Variants in SLC8A1 observed in about 807,000 individuals in gnomAD.
SLC8A1 encodes the protein solute carrier family 8 member A1, also known as sodium/calcium exchanger 1.
A neutral mutation model predicts 68.3 loss-of-function variants in SLC8A1; 18 were observed. The observed-to-expected ratio is 0.26, with a 90% confidence interval of 0.18 to 0.39. The LOEUF is 0.39. SLC8A1 is among the 10% of genes least tolerant of loss of function. The pLI is 1.00. For synonymous variants in SLC8A1, 475 were observed against 415.5 expected (o/e 1.14, Z -1.74); for missense variants, 985 against 1,156.7 (o/e 0.85, Z 2.15).
intron 2 of SLC8A1, among the ~76,000 whole-genome samples, chr2:40,410,925 A>C (rs1181405210): frequency 2.6e-5 from 4 of 152,082 alleles, no homozygotes; most frequent in Non-Finnish European, 5.9e-5. Context: ...ATACCAGCAA[A>C]TGGGATTCAA....
intron 6 of SLC8A1, among the ~76,000 whole-genome samples, chr2:40,143,943 CTT>C (rs1251721654): frequency 1.3e-5 from 2 of 152,134 alleles, no homozygotes; most frequent in East Asian, 3.9e-4. Context: ...GGGCAAGACA[CTT>C]AAATTTCCCA....
chr2:40,252,252 G>C (rs935580272), intron 2 of SLC8A1, among the ~76,000 whole-genome samples: 1 of 152,160 alleles, frequency 6.6e-6, no homozygotes, highest in Non-Finnish European at 1.5e-5. Flanking sequence ...AGATAAGCCA[G>C]TGAAGTCTGA....
intron 4 of SLC8A1, among the ~76,000 whole-genome samples, chr2:40,168,630 T>C (rs1481579108): frequency 6.6e-6 from 1 of 152,208 alleles, no homozygotes; most frequent in African/African-American, 2.4e-5. Context: ...AATACGGAAA[T>C]GGTTTAACAG....
exon 8 of SLC8A1, chr2:40,101,971 T>C (rs1364698249): frequency 2.0e-5 from 3 of 152,156 alleles, no homozygotes; most frequent in African/African-American, 7.2e-5. Flanking sequence ...AAGCGGCTTA[T>C]TTTTAATCAC....
At chr2:40,244,607 T>C (rs940606497) in intron 2 of SLC8A1, among the ~76,000 whole-genome samples, 8 of 150,578 alleles carry the variant, frequency 5.3e-5, no homozygotes, top group Admixed American at 1.3e-4. Context: ...CCCCACAAAC[T>C]TTCTGACAGA....
intron 1 of SLC8A1, among the ~76,000 whole-genome samples, chr2:40,491,939 A>G (rs1335239297): frequency 2.0e-5 from 3 of 152,204 alleles, no homozygotes; most frequent in Non-Finnish European, 4.4e-5. Context: ...TATAGATTCA[A>G]TGCCATCCCC....
chr2:40,155,419 G>A (rs895453109), intron 6 of SLC8A1, among the ~76,000 whole-genome samples: 1 of 152,092 alleles, frequency 6.6e-6, no homozygotes, highest in Non-Finnish European at 1.5e-5. Context: ...ATGAGCCACC[G>A]TGCCTGGCCC....
rs377561191 is a variant in SLC8A1, at chr2:40,500,409, T to G, written c.-25+11940A>C. ...TGGCTTCAATATTCCCAAGACAGATTAACTTATTAAAAGCCCCAATAATTC... is the reference window on the plus strand; with the variant it reads ...TGGCTTCAATATTCCCAAGACAGATGAACTTATTAAAAGCCCCAATAATTC... On this transcript the variant is annotated intron_variant, in intron 1 of 7. Coordinates refer to the SLC8A1 transcript ENST00000402441. Among the ~76,000 whole-genome samples, 61 of 152,204 alleles carry G rather than the reference T, an allele frequency of 4.0e-4. No homozygotes were observed. In the East Asian group the frequency reaches 9.5e-3, roughly 24 times the overall value.
chr2:40,500,365 C>T (rs1291627449), intron 1 of SLC8A1, among the ~76,000 whole-genome samples: 1 of 152,040 alleles, frequency 6.6e-6, no homozygotes, highest in Non-Finnish European at 1.5e-5. Context: ...CCTTGAGAAA[C>T]ACTGCATTAC....
chr2:40,368,267 C>A (rs556175756), intron 2 of SLC8A1, among the ~76,000 whole-genome samples: 1 of 152,138 alleles, frequency 6.6e-6, no homozygotes, highest in African/African-American at 2.4e-5. Flanking sequence ...AGGCCATAGG[C>A]TCCCTTTTTA....
At chr2:40,157,750 A>G (rs936277321) in intron 6 of SLC8A1, among the ~76,000 whole-genome samples, 1 of 152,222 alleles carries the variant, frequency 6.6e-6, no homozygotes. Flanking sequence ...GCAAGTTTTG[A>G]CAGCCATTGA....
intron 2 of SLC8A1, among the ~76,000 whole-genome samples, chr2:40,403,263 T>C (rs1322552788): frequency 1.3e-5 from 2 of 152,204 alleles, no homozygotes; most frequent in Non-Finnish European, 2.9e-5. Context: ...AAGCAAAAAT[T>C]CTCCCATTAA....
At chr2:40,247,452 GTGT>G (rs753577920) in intron 2 of SLC8A1, among the ~76,000 whole-genome samples, 82 of 151,870 alleles carry the variant, frequency 5.4e-4, no homozygotes, top group African/African-American at 2.0e-3. Context: ...GTGTGTGTGT[GTGT>G]GGAGAGAGAG....
At chr2:40,303,689 C>G (rs888544668) in intron 2 of SLC8A1, among the ~76,000 whole-genome samples, 13 of 152,232 alleles carry the variant, frequency 8.5e-5, no homozygotes, top group Middle Eastern at 6.8e-3. Context: ...GTATAATTTG[C>G]TATAAAAATG....
chr2:40,267,724 C>T (rs1309769663), intron 2 of SLC8A1, among the ~76,000 whole-genome samples: 2 of 152,168 alleles, frequency 1.3e-5, no homozygotes, highest in African/African-American at 2.4e-5. Context: ...GTTTCACTAA[C>T]CGTATTTTTG....
intron 2 of SLC8A1, among the ~76,000 whole-genome samples, chr2:40,328,103 A>G (rs897151270): frequency 6.6e-6 from 1 of 152,294 alleles, no homozygotes; most frequent in East Asian, 1.9e-4. Context: ...GAGGGTAAAG[A>G]GTTAGACTTT....
intron 1 of SLC8A1, among the ~76,000 whole-genome samples, chr2:40,496,724 C>T (rs1705724552): frequency 6.6e-6 from 1 of 151,892 alleles, no homozygotes. Context: ...TGCAGTTACT[C>T]ACCCACAGCC....
At chr2:40,176,125 A>T (rs372928002) in intron 3 of SLC8A1, 6 of 213,086 alleles carry the variant, frequency 2.8e-5, no homozygotes, top group African/African-American at 1.2e-4. Context: ...ACCTTGCTAA[A>T]TATATCAAAT....
intron 2 of SLC8A1, among the ~76,000 whole-genome samples, chr2:40,242,227 TACC>T (rs1416522506): frequency 1.3e-5 from 2 of 152,178 alleles, no homozygotes; most frequent in Non-Finnish European, 2.9e-5. Context: ...ATTAGAATTT[TACC>T]ACAAGCCAGA....
Sources: allele counts gnomAD v4.1 joint callset (sites outside exome capture counted in the v4.1 genomes callset), GRCh38; gene constraint gnomAD v4.1.1; transcripts MANE v1.5; gene names NCBI Gene and HGNC (gene_info 2026-07-23, HGNC 2026-07-21).